Variants in FSTL5 observed in about 807,000 individuals in gnomAD.
FSTL5 encodes follistatin like 5, also known as follistatin-related protein 5.
FSTL5 carries 62 observed loss-of-function variants against 89.1 expected under a neutral mutation model. The ratio of observed to expected loss-of-function variants is 0.70; its 90% CI spans 0.57 to 0.86. FSTL5 has a LOEUF of 0.86. FSTL5 is among the 40% of genes least tolerant of loss of function. The pLI, the probability that FSTL5 is intolerant of heterozygous loss-of-function variation, is 0.00. For missense variants in FSTL5, 1,057 were observed against 1,001.6 expected, an observed-to-expected ratio of 1.06 and a Z score of -0.75; for synonymous variants, 383 against 346.2, an observed-to-expected ratio of 1.11 and a Z score of -1.18.
At chr4:161,868,736 T>A (rs1732168867) in intron 4 of FSTL5, among the ~76,000 whole-genome samples, 1 of 152,188 alleles carries the variant, frequency 6.6e-6, no homozygotes, top group Admixed American at 6.5e-5. Flanking sequence ...TATCTCACAG[T>A]TTTGTTTATT....
chr4:161,505,195 T>G (rs1435745088), intron 11 of FSTL5, among the ~76,000 whole-genome samples: 1 of 152,176 alleles, frequency 6.6e-6, no homozygotes, highest in East Asian at 1.9e-4. Context: ...TAGGCAAGAA[T>G]AGATTGCGTT....
chr4:161,961,863 A>G (rs1297004022), intron 3 of FSTL5, among the ~76,000 whole-genome samples: 1 of 151,696 alleles, frequency 6.6e-6, no homozygotes, highest in East Asian at 1.9e-4. Flanking sequence ...TTACATGACC[A>G]AAAGCTATGA....
intron 4 of FSTL5, among the ~76,000 whole-genome samples, chr4:161,810,360 G>A (rs1225738767): frequency 1.3e-5 from 2 of 151,984 alleles, no homozygotes; most frequent in Non-Finnish European, 2.9e-5. Flanking sequence ...TGATGAGTAA[G>A]ATTATAATAA....
At chr4:161,527,684 T>C in intron 10 of FSTL5, among the ~76,000 whole-genome samples, 1 of 151,664 alleles carries the variant, frequency 6.6e-6, no homozygotes, top group Admixed American at 6.6e-5. Flanking sequence ...GGAACACTTT[T>C]ACACTGTTGG....
chr4:161,933,095 TC>T (rs1213245067), intron 3 of FSTL5, among the ~76,000 whole-genome samples: 2 of 152,190 alleles, frequency 1.3e-5, no homozygotes, highest in African/African-American at 4.8e-5. Flanking sequence ...TATTTTACTG[TC>T]CATTTTACAT....
At chr4:162,099,265 T>A (rs747961721) in intron 2 of FSTL5, among the ~76,000 whole-genome samples, 6 of 152,100 alleles carry the variant, frequency 3.9e-5, no homozygotes, top group Non-Finnish European at 7.4e-5. Flanking sequence ...GGAAAATAAT[T>A]GAAGAAATAC....
intron 6 of FSTL5, among the ~76,000 whole-genome samples, chr4:161,664,147 C>T (rs1270023772): frequency 2.6e-5 from 4 of 152,174 alleles, no homozygotes; most frequent in Admixed American, 1.3e-4. Context: ...GTCTCTGACA[C>T]GGCCTGAAGA....
At chr4:161,766,039 C>T (rs1338714390) in intron 5 of FSTL5, among the ~76,000 whole-genome samples, 1 of 152,128 alleles carries the variant, frequency 6.6e-6, no homozygotes, top group Non-Finnish European at 1.5e-5. Flanking sequence ...ATGATCCACC[C>T]ACCTCCGCCT....
rs969205460 is a variant in FSTL5 at position 161,894,047 on chromosome 4, T to C, written c.409+26357A>G. 3.3e-5 allele frequency among the ~76,000 whole-genome samples: 5 copies of C among 152,302 alleles called. No individual in the cohort carries two copies. The East Asian group carries it at 9.6e-4, about 29-fold the overall frequency. ...AATTTATATAGGTTGTTTTATAAAATGATCAAAGTTGGGGGCTGGTATACA... is the reference window on the plus strand; with the variant it reads ...AATTTATATAGGTTGTTTTATAAAACGATCAAAGTTGGGGGCTGGTATACA... On this transcript the variant is annotated intron_variant, in intron 4 of 15. Transcript: ENST00000306100.
intron 7 of FSTL5, among the ~76,000 whole-genome samples, chr4:161,646,095 T>C (rs1365651566): frequency 2.0e-5 from 3 of 149,728 alleles, no homozygotes; most frequent in African/African-American, 7.3e-5. Flanking sequence ...ATCAATGATA[T>C]ACAATTTGGG....
At chr4:162,140,773 A>C (rs1288042943) in intron 1 of FSTL5, among the ~76,000 whole-genome samples, 1 of 152,186 alleles carries the variant, frequency 6.6e-6, no homozygotes, top group African/African-American at 2.4e-5. Context: ...ATAAAACAAT[A>C]TACAGGTTTG....
chr4:161,658,155 T>C (rs189331394), intron 6 of FSTL5, among the ~76,000 whole-genome samples: 23 of 152,282 alleles, frequency 1.5e-4, no homozygotes, highest in African/African-American at 5.3e-4. Flanking sequence ...TTTATTTCAA[T>C]GCTTCCTGAG....
chr4:161,482,674 C>T (rs530044201), intron 12 of FSTL5, among the ~76,000 whole-genome samples: 1 of 152,244 alleles, frequency 6.6e-6, no homozygotes, highest in African/African-American at 2.4e-5. Flanking sequence ...AAAATGTAAC[C>T]TTTCTCAGGC....
chr4:162,133,267 T>C (rs542311501), intron 1 of FSTL5, among the ~76,000 whole-genome samples: 23 of 152,330 alleles, frequency 1.5e-4, no homozygotes, highest in African/African-American at 5.5e-4. Context: ...GCATTGAAAG[T>C]GAGGGAAGAA....
chr4:162,029,659 T>G (rs544992383), intron 3 of FSTL5, among the ~76,000 whole-genome samples: 20 of 152,268 alleles, frequency 1.3e-4, no homozygotes, highest in African/African-American at 4.6e-4. Context: ...CATCGATTTT[T>G]TTTCTTAAAG....
intron 4 of FSTL5, among the ~76,000 whole-genome samples, chr4:161,905,394 T>C (rs1329079891): frequency 6.6e-6 from 1 of 152,096 alleles, no homozygotes; most frequent in Admixed American, 6.6e-5. Flanking sequence ...TTGTAGATGT[T>C]CTGTTTTCAA....
intron 7 of FSTL5, among the ~76,000 whole-genome samples, chr4:161,600,158 A>AACACACACAC (rs71598717): frequency 0.048 from 6,869 of 141,964 alleles, 196 homozygotes; most frequent in East Asian, 0.11. Context: ...AATGTCAATA[A>AACACACACAC]ACACACACAC....
In FSTL5 at chr4:161,920,517, G is replaced by C. The variant is rs552993766; in HGVS notation, c.296C>G (p.Pro99Arg). The C allele has an allele frequency of 1.2e-6, 2 of 1,614,020 alleles. No individual in the cohort carries two copies. Among genetic ancestry groups the C allele is most frequent in the South Asian group, 2.2e-5 (2 of 91,082 alleles). ...CMDLCKRHYK[P>R]VCGSDGEFYE... ...GAATTCTCCGTCAGATCCACACACAGGTTTGTAGTGACGTTTGCAAAGGTC... is the reference window on the plus strand; with the variant it reads ...GAATTCTCCGTCAGATCCACACACACGTTTGTAGTGACGTTTGCAAAGGTC... The change falls in exon 4 of 16, where the codon CCT becomes CGT. Residue 99 changes from proline (P) to arginine (R), a missense_variant. Physicochemically the swap from Pro to Arg is moderately radical, Grantham distance 103 (BLOSUM62 -2). This residue lies in a region of FSTL5 where 980 missense variants were observed against 903.2 expected (regional missense o/e 1.08). Coordinates refer to ENST00000306100, the MANE Select transcript of FSTL5 (RefSeq NM_020116.5).
chr4:162,028,198 C>T (rs952287421), intron 3 of FSTL5, among the ~76,000 whole-genome samples: 3 of 152,102 alleles, frequency 2.0e-5, no homozygotes, highest in African/African-American at 7.2e-5. Context: ...GACAAAAATA[C>T]TTAATTTTCA....
Sources: gnomAD v4.1 joint callset for allele counts (sites outside exome capture counted in the v4.1 genomes callset) on GRCh38, gnomAD v4.1.1 for gene constraint, gnomAD v4.1.1 regional missense constraint, MANE v1.5 for transcripts, NCBI Gene and HGNC (gene_info 2026-07-23, HGNC 2026-07-21) for gene names.